The following ZFHX3 variants were observed in gnomAD, a reference collection of about 807,000 sequenced individuals.
The protein encoded by ZFHX3 is zinc finger homeobox 3.
Under a neutral mutation model 279.1 loss-of-function variants are expected in ZFHX3, and 42 were observed. That is an observed-to-expected ratio of 0.15 (90% CI 0.12 to 0.19). The LOEUF (loss-of-function observed/expected upper bound fraction) is 0.19. Ranked by LOEUF, ZFHX3 falls within the 10% of genes least tolerant of loss-of-function variation. The pLI is 1.00. For synonymous variants in ZFHX3, 2,293 were observed against 1,957.8 expected (o/e 1.17, Z -4.52); for missense variants, 4,981 against 4,754.0 (o/e 1.05, Z -1.40).
chr16:73,627,388 T>A (rs1194937257), intron 2 of ZFHX3, among the ~76,000 whole-genome samples: 3 of 152,182 alleles, frequency 2.0e-5, no homozygotes, highest in Non-Finnish European at 4.4e-5. Flanking sequence ...ATTGATATAG[T>A]GGAAGTGAAT....
At chr16:73,137,350 T>C (rs1966812448) in intron 6 of ZFHX3, 1 of 152,152 alleles carries the variant, frequency 6.6e-6, no homozygotes, top group Non-Finnish European at 1.5e-5. Flanking sequence ...CAGCTTGGAA[T>C]ATGGAATATG....
chr16:73,773,117 C>A (rs571986901), intron 1 of ZFHX3, among the ~76,000 whole-genome samples: 1 of 152,302 alleles, frequency 6.6e-6, no homozygotes, highest in East Asian at 1.9e-4. Flanking sequence ...GGAAATAAGA[C>A]AAACAAAAAT....
chr16:72,874,462 A>G (rs1204126207), intron 4 of ZFHX3, among the ~76,000 whole-genome samples: 1 of 152,026 alleles, frequency 6.6e-6, no homozygotes, highest in East Asian at 1.9e-4. Context: ...TCGGCCTCCC[A>G]AAGTGCTGAG....
chr16:73,562,620 C>T (rs2020388393), intron 2 of ZFHX3, among the ~76,000 whole-genome samples: 1 of 140,098 alleles, frequency 7.1e-6, no homozygotes, highest in South Asian at 2.3e-4. Flanking sequence ...AAAAAAGTGG[C>T]TGTGAAAAGC....
At position 73,361,770 on chromosome 16, in the gene ZFHX3, G is replaced by C. The variant is rs138509805; in HGVS notation, c.-1290-43434C>G. Among the ~76,000 whole-genome samples, 13 of 152,210 alleles carry C rather than the reference G, an allele frequency of 8.5e-5. No homozygotes were observed. The East Asian group carries it at 2.5e-3, about 29-fold the overall frequency. On this transcript the variant is annotated intron_variant, in intron 3 of 17. Transcript: ENST00000641206. The stretch of plus-strand genomic sequence containing the variant: ...TCATAGATAATATATCAGTTTTTGA[G>C]ATTGCTTCCTACTGCAACTTTGGGG...
intron 8 of ZFHX3, among the ~76,000 whole-genome samples, chr16:73,066,753 C>T (rs978637533): frequency 6.6e-6 from 1 of 152,210 alleles, no homozygotes; most frequent in African/African-American, 2.4e-5. Context: ...CCGCCCAGGC[C>T]CCGTGCCTGC....
At chr16:73,493,686 T>C (rs1006327970) in intron 2 of ZFHX3, among the ~76,000 whole-genome samples, 1 of 152,124 alleles carries the variant, frequency 6.6e-6, no homozygotes, top group Admixed American at 6.5e-5. Context: ...TTCCAAGGTC[T>C]TTCCCTGGAT....
At chr16:72,840,441 G>A (rs2037318157) in intron 4 of ZFHX3, among the ~76,000 whole-genome samples, 1 of 152,210 alleles carries the variant, frequency 6.6e-6, no homozygotes. Flanking sequence ...CATTTGCAAT[G>A]CTGGGGAGAC....
intron 1 of ZFHX3, among the ~76,000 whole-genome samples, chr16:73,724,414 T>C (rs61234084): frequency 0.079 from 11,971 of 152,268 alleles, 796 homozygotes; most frequent in African/African-American, 0.18. Context: ...GGAGATATTT[T>C]TTTACAAAGC....
intron 3 of ZFHX3, among the ~76,000 whole-genome samples, chr16:73,319,068 T>C (rs1363939285): frequency 1.3e-5 from 1 of 74,452 alleles, no homozygotes; most frequent in Non-Finnish European, 2.7e-5. Flanking sequence ...GTAAATACCA[T>C]GGAGGGGGTG....
intron 5 of ZFHX3, among the ~76,000 whole-genome samples, chr16:73,236,263 A>T (rs2012944832): frequency 6.6e-6 from 1 of 152,230 alleles, no homozygotes; most frequent in Non-Finnish European, 1.5e-5. Context: ...TGTGGTCAAC[A>T]TCATTTTAGC....
intron 5 of ZFHX3, among the ~76,000 whole-genome samples, chr16:73,172,602 G>T (rs1967555075): frequency 6.6e-6 from 1 of 152,192 alleles, no homozygotes; most frequent in African/African-American, 2.4e-5. Context: ...TATAGAGCGT[G>T]GGGGCTGTTT....
chr16:73,239,432 T>C (rs1315031251), intron 5 of ZFHX3, among the ~76,000 whole-genome samples: 1 of 152,218 alleles, frequency 6.6e-6, no homozygotes, highest in East Asian at 1.9e-4. Context: ...CAGTTCAAGG[T>C]TACTATTAGA....
At chr16:72,827,922 C>A (rs1326040426) in intron 5 of ZFHX3, among the ~76,000 whole-genome samples, 2 of 152,182 alleles carry the variant, frequency 1.3e-5, no homozygotes, top group Admixed American at 6.5e-5. Context: ...CCAGGAAACA[C>A]TGAACAGTGG....
At chr16:73,878,940 G>T (rs370317431) in intron 1 of ZFHX3, among the ~76,000 whole-genome samples, 18 of 141,038 alleles carry the variant, frequency 1.3e-4, no homozygotes, top group East Asian at 7.0e-4. Context: ...AAAAAGATAA[G>T]ATATATATAT....
At chr16:73,786,085 G>A (rs1456595195) in intron 1 of ZFHX3, among the ~76,000 whole-genome samples, 1 of 151,958 alleles carries the variant, frequency 6.6e-6, no homozygotes, top group Non-Finnish European at 1.5e-5. Flanking sequence ...TGGTCAGGCT[G>A]GTCTCGAACT....
intron 2 of ZFHX3, among the ~76,000 whole-genome samples, chr16:73,557,180 G>A (rs1212425693): frequency 6.6e-6 from 1 of 150,700 alleles, no homozygotes; most frequent in African/African-American, 2.5e-5. Flanking sequence ...TGAGGCCCAT[G>A]GTGTGGCCGG....
At chr16:73,332,297 A>G (rs1309982102) in intron 3 of ZFHX3, among the ~76,000 whole-genome samples, 1 of 152,226 alleles carries the variant, frequency 6.6e-6, no homozygotes, top group Non-Finnish European at 1.5e-5. Flanking sequence ...GAAGCTCTAT[A>G]TCTACTAGAG....
chr16:72,863,339 C>CT (rs2037930029), intron 4 of ZFHX3, among the ~76,000 whole-genome samples: 1 of 55,396 alleles, frequency 1.8e-5, no homozygotes, highest in Admixed American at 2.9e-4. Context: ...CTCATCTCTA[C>CT]TAAAAAAAAA....
Sources: gnomAD v4.1 joint callset for allele counts (sites outside exome capture counted in the v4.1 genomes callset) on GRCh38, gnomAD v4.1.1 for gene constraint, MANE v1.5 for transcripts, NCBI Gene and HGNC (gene_info 2026-07-23, HGNC 2026-07-21) for gene names.